The following PSG3 variants were observed in gnomAD, a reference collection of about 807,000 sequenced individuals.
The protein encoded by PSG3 is pregnancy specific beta-1-glycoprotein 3.
In PSG3, 61 loss-of-function variants were observed where a neutral mutation model predicts 47.5. The ratio of observed to expected loss-of-function variants is 1.28; its 90% CI spans 1.05 to 1.59. PSG3 has a LOEUF of 1.59. Among genes scored for constraint, PSG3 ranks in the 40% most tolerant of loss-of-function variants. The pLI is 0.00. For synonymous variants in PSG3, 263 were observed against 198.4 expected (o/e 1.33, Z -2.74); for missense variants, 756 against 524.0 (o/e 1.44, Z -4.32).
At chr19:42,726,861 T>G (rs554104645) in intron 5 of PSG3, among the ~76,000 whole-genome samples, 21 of 152,326 alleles carry the variant, frequency 1.4e-4, no homozygotes, top group Middle Eastern at 3.4e-3. Flanking sequence ...GCTGGAGGAC[T>G]CACACTTCCT....
In PSG3 at chr19:42,732,798, G is replaced by A. The variant is rs141693701; in HGVS notation, c.695C>T (p.Thr232Ile). The change falls in exon 3 of 7, where the codon ACC (threonine) becomes ATC (isoleucine). Residue 232 changes from threonine (T) to isoleucine (I), a missense_variant. Thr to Ile is a moderately conservative substitution (Grantham distance 89, BLOSUM62 -1). Transcript: ENST00000327495. Reference sequence around the variant, plus strand: ...GAGATACTCACGGAGGAGATTCAGGGTGACTGGGTCACTGCGGCTGGCACT... The same window carrying A: ...GAGATACTCACGGAGGAGATTCAGGATGACTGGGTCACTGCGGCTGGCACT... ...PVSASRSDPV[T>I]LNLLPKLPKP... 8 of 1,613,978 alleles carry A rather than the reference G, an allele frequency of 5.0e-6. No individual in the cohort carries two copies. In the East Asian group the frequency reaches 1.3e-4, roughly 27 times the overall value.
chr19:42,734,646 T>G (rs1183133174), intron 2 of PSG3, among the ~76,000 whole-genome samples: 2 of 152,184 alleles, frequency 1.3e-5, no homozygotes, highest in Non-Finnish European at 2.9e-5. Context: ...TGCCGTGAAT[T>G]CCAGCAGGAT....
At chr19:42,722,533 C>T (rs1010600291) in intron 6 of PSG3, among the ~76,000 whole-genome samples, 4 of 152,196 alleles carry the variant, frequency 2.6e-5, no homozygotes, top group African/African-American at 7.2e-5. Flanking sequence ...GGATGACAGG[C>T]GTGAGCCATC....
intron 5 of PSG3, among the ~76,000 whole-genome samples, chr19:42,728,292 C>G (rs951504339): frequency 3.3e-5 from 5 of 152,212 alleles, no homozygotes; most frequent in African/African-American, 9.7e-5. Flanking sequence ...CTTACCCTCT[C>G]TATAATTACA....
rs373964308 is a variant in PSG3, at chr19:42,738,813, C to T, written c.341G>A (p.Arg114Gln). ...TAAGGTGTAGGATCCTGCGTCCTCC[C>T]GGGTGACATTCTGGATCAGCAGGGA... Reference protein sequence around the residue: ...NASLLIQNVTREDAGSYTLHI... With the variant: ...NASLLIQNVTQEDAGSYTLHI... The change falls in exon 2 of 7, where the codon CGG becomes CAG. Residue 114 changes from arginine to glutamine, a missense_variant. Arg to Gln is a conservative substitution (Grantham distance 43). Coordinates refer to ENST00000327495, the MANE Select transcript of PSG3 (RefSeq NM_021016.4). 2.5e-5 allele frequency: 41 copies of T among 1,613,980 alleles called. No individual in the cohort carries two copies. Among genetic ancestry groups the T allele is most frequent in the African/African-American group, 4.0e-5 (3 of 74,884 alleles).
chr19:42,728,387 C>A (rs1344108287), intron 5 of PSG3, among the ~76,000 whole-genome samples: 2 of 152,224 alleles, frequency 1.3e-5, no homozygotes, highest in Non-Finnish European at 2.9e-5. Context: ...CAGTCACTGT[C>A]CTCCGTGCTG....
chr19:42,732,672 T>G (rs1430594472), intron 3 of PSG3, 112 bp downstream of exon 3: 2 of 1,612,246 alleles, frequency 1.2e-6, no homozygotes, highest in Non-Finnish European at 1.7e-6. Context: ...AGGTTTGATG[T>G]CCAGGGGTAA....
chr19:42,725,622 A>G (rs533217794), intron 5 of PSG3, among the ~76,000 whole-genome samples: 113 of 152,204 alleles, frequency 7.4e-4, no homozygotes, highest in African/African-American at 1.9e-3. Flanking sequence ...CACTTTGGGA[A>G]GTCACAGCAG....
Position 42,739,022 on chromosome 19 carries a change from T to G in PSG3, c.132A>C (p.Lys44Asn). 1 of 1,613,882 alleles carries G rather than the reference T, an allele frequency of 6.2e-7. No individual in the cohort carries two copies. The highest frequency in any genetic ancestry group is 8.5e-7 in the Non-Finnish European group (1 of 1,179,896). The change falls in exon 2 of 7, where the codon AAA (lysine) becomes AAC (asparagine). Residue 44 changes from lysine to asparagine, a missense_variant. By Grantham distance (94) the Lys-to-Asn change is moderately conservative. Transcript: ENST00000327495. Reference sequence around the variant, plus strand: ...GAAGAACGTCCTTCCCCTTGGAAACTTTGGTTGGCTCGGCTTCAATCGTGA... The same window carrying G: ...GAAGAACGTCCTTCCCCTTGGAAACGTTGGTTGGCTCGGCTTCAATCGTGA... ...AQVTIEAEPT[K>N]VSKGKDVLLL...
At chr19:42,735,913 A>G (rs1215713978) in intron 2 of PSG3, among the ~76,000 whole-genome samples, 2 of 152,202 alleles carry the variant, frequency 1.3e-5, no homozygotes, top group Admixed American at 1.3e-4. Context: ...AGTCAGTGCT[A>G]AGATTACAAC....
At chr19:42,728,339 C>T (rs778595983) in intron 5 of PSG3, among the ~76,000 whole-genome samples, 2 of 152,164 alleles carry the variant, frequency 1.3e-5, no homozygotes, top group East Asian at 1.9e-4. Flanking sequence ...CCATGCAGAG[C>T]CCTAGGGGTG....
chr19:42,740,045 C>T (rs1201419421), intron 1 of PSG3, among the ~76,000 whole-genome samples: 1 of 151,926 alleles, frequency 6.6e-6, no homozygotes, highest in Non-Finnish European at 1.5e-5. Context: ...TTCTTCCTCC[C>T]GGGTTCACGT....
chr19:42,728,961 G>C, intron 5 of PSG3, 162 bp downstream of exon 5: 2 of 1,540,274 alleles, frequency 1.3e-6, no homozygotes, highest in South Asian at 2.6e-5. Context: ...AAGGAGAAGA[G>C]AGTCTGTAGA....
chr19:42,734,746 T>G (rs1469381632), intron 2 of PSG3, among the ~76,000 whole-genome samples: 1 of 152,168 alleles, frequency 6.6e-6, no homozygotes, highest in Non-Finnish European at 1.5e-5. Context: ...CAGAACTGGT[T>G]AGTGTGTCAA....
intron 2 of PSG3, among the ~76,000 whole-genome samples, chr19:42,735,944 G>A (rs998586999): frequency 1.3e-5 from 2 of 152,172 alleles, no homozygotes; most frequent in African/African-American, 4.8e-5. Context: ...AACTAGCATG[G>A]CTGAGTCCAT....
In PSG3 at chr19:42,729,148, G is replaced by A; in HGVS notation, c.1218C>T (p.Ser406=). The A allele has an allele frequency of 6.2e-7, 1 of 1,613,972 alleles. No individual in the cohort carries two copies. Residue 406 remains serine, a synonymous_variant, in exon 5 of 7, where the codon TCC becomes TCT. Transcript: ENST00000327495. The part of the protein sequence containing the change: ...VRNSATGMES[S]KSMTVKVSAP... ...CAGAGACTTTGACTGTCATGGATTT[G>A]GAGCTTTCCATGCCAGTGGCTGAGT...
chr19:42,726,081 A>C (rs1188766590), intron 5 of PSG3, among the ~76,000 whole-genome samples: 2 of 152,136 alleles, frequency 1.3e-5, no homozygotes, highest in African/African-American at 4.8e-5. Flanking sequence ...TGAATCAATA[A>C]AACATTTGAT....
chr19:42,738,889 T>A lies in PSG3; in HGVS notation c.265A>T (p.Ile89Phe), dbSNP rs904453039. The A allele has an allele frequency of 2.5e-6, 4 of 1,614,066 alleles. No homozygotes were observed. Reference sequence around the variant, plus strand: ...CCACTGTATGCAGGCCCATATATAATTATTTGACCATCTACTACGTATGAT... The same window carrying A: ...CCACTGTATGCAGGCCCATATATAAATATTTGACCATCTACTACGTATGAT... ...ITSYVVDGQI[I>F]IYGPAYSGRE... Residue 89 changes from isoleucine to phenylalanine, a missense_variant, in exon 2 of 7, where the codon ATT (isoleucine) becomes TTT (phenylalanine). Ile to Phe is a conservative substitution (Grantham distance 21). Transcript: ENST00000327495.
At chr19:42,727,764 A>C (rs1354408175) in intron 5 of PSG3, among the ~76,000 whole-genome samples, 1 of 152,224 alleles carries the variant, frequency 6.6e-6, no homozygotes, top group African/African-American at 2.4e-5. Flanking sequence ...CAGCAATTCC[A>C]CTTCTGGACA....
Sources: allele counts gnomAD v4.1 joint callset (sites outside exome capture counted in the v4.1 genomes callset), GRCh38; gene constraint gnomAD v4.1.1; transcripts MANE v1.5; gene names NCBI Gene and HGNC (gene_info 2026-07-23, HGNC 2026-07-21).